Variants in THAP5 observed in about 807,000 individuals in gnomAD.
THAP5 encodes the protein THAP domain containing 5, also known as THAP domain-containing protein 5.
A neutral mutation model predicts 34.0 loss-of-function variants in THAP5; 26 were observed. That is an observed-to-expected ratio of 0.77 (90% confidence interval 0.56 to 1.06). THAP5 has a LOEUF of 1.06. Ranked by LOEUF, THAP5 falls within the 50% of genes least tolerant of loss-of-function variation. The pLI is 0.00. For synonymous variants in THAP5, 125 were observed against 153.0 expected (o/e 0.82, Z 1.35); for missense variants, 394 against 452.8 (o/e 0.87, Z 1.18).
the THAP5 span, among the ~76,000 whole-genome samples, chr7:108,544,690 T>A: frequency 6.6e-6 from 1 of 152,128 alleles, no homozygotes; most frequent in Non-Finnish European, 1.5e-5. Context: ...AGGGTCTCAC[T>A]CTGTCACCCA....
downstream of THAP5, among the ~76,000 whole-genome samples, chr7:108,561,812 GGAAGA>G (rs1412699392): frequency 6.6e-6 from 1 of 151,990 alleles, no homozygotes; most frequent in Non-Finnish European, 1.5e-5. Flanking sequence ...TTCTGATGTA[GGAAGA>G]GAAAAGGCAA....
chr7:108,543,236 C>T, the THAP5 span, among the ~76,000 whole-genome samples: 31 of 152,222 alleles, frequency 2.0e-4, no homozygotes, highest in African/African-American at 6.5e-4. Flanking sequence ...CAGCTCAAAA[C>T]AATTGACTGG....
At chr7:108,560,638 GGA>G (rs1193963330), downstream of THAP5, among the ~76,000 whole-genome samples, 7 of 152,332 alleles carry the variant, frequency 4.6e-5, no homozygotes, top group South Asian at 4.1e-4. Flanking sequence ...GGTTTGGCTG[GGA>G]GAGAGAGTTT....
At chr7:108,569,162 A>G in intron 1 of THAP5, 1 of 1,167,086 alleles carries the variant, frequency 8.6e-7, no homozygotes, top group Non-Finnish European at 1.1e-6. Flanking sequence ...ACGTATCTTA[A>G]ATGGTGGTTA....
chr7:108,548,782 C>G, the THAP5 span, among the ~76,000 whole-genome samples: 20 of 152,022 alleles, frequency 1.3e-4, no homozygotes, highest in Admixed American at 1.3e-3. Flanking sequence ...AAAAGACCTC[C>G]CCCATGATTC....
At chr7:108,559,627 C>A (rs1864412274), downstream of THAP5, among the ~76,000 whole-genome samples, 1 of 152,100 alleles carries the variant, frequency 6.6e-6, no homozygotes, top group South Asian at 2.1e-4. Context: ...TAAACAAATA[C>A]CTGAGACTGA....
the THAP5 span, among the ~76,000 whole-genome samples, chr7:108,543,616 T>C: frequency 1.3e-5 from 2 of 152,236 alleles, no homozygotes; most frequent in Non-Finnish European, 2.9e-5. Context: ...TTTAAAATGT[T>C]GCAATTTGCA....
In THAP5 at chr7:108,563,907, T is replaced by C. The variant is rs1447585099; in HGVS notation, c.*284A>G. 4.3e-6 allele frequency: 1 copy of C among 229,996 alleles called. No homozygotes were observed. The highest frequency in any genetic ancestry group is 8.5e-6 in the Non-Finnish European group (1 of 117,544). 14.2% of individuals were successfully genotyped at this position (229,996 alleles called of 1,614,324 possible). On this transcript the variant is annotated 3_prime_UTR_variant, in exon 3 of 3. Coordinates refer to ENST00000415914, the MANE Select transcript of THAP5 (RefSeq NM_001130475.3). Reference sequence around the variant, plus strand: ...CCTGAACCTGACTTCTAGTCTGTGCTCTTTGAACACTTCTTTGTTTTCTCA... The same window carrying C: ...CCTGAACCTGACTTCTAGTCTGTGCCCTTTGAACACTTCTTTGTTTTCTCA...
At chr7:108,552,669 G>A (rs1382528989), downstream of THAP5, among the ~76,000 whole-genome samples, 1 of 152,152 alleles carries the variant, frequency 6.6e-6, no homozygotes, top group Non-Finnish European at 1.5e-5. Context: ...GTGTTGTGAT[G>A]CACACCTGTA....
intron 1 of THAP5, among the ~76,000 whole-genome samples, chr7:108,555,705 T>TC (rs952048474): frequency 3.4e-5 from 5 of 146,964 alleles, no homozygotes; most frequent in Non-Finnish European, 6.0e-5. Context: ...CCTTTTTCTT[T>TC]TTTTTTTTTT....
the THAP5 span, among the ~76,000 whole-genome samples, chr7:108,549,512 A>G: frequency 6.6e-5 from 10 of 151,896 alleles, no homozygotes; most frequent in African/African-American, 2.2e-4. Context: ...TTGTCATTCT[A>G]CCCCTTGCTT....
intron 1 of THAP5, among the ~76,000 whole-genome samples, 173 bp from the exon 2 acceptor site, chr7:108,566,195 C>T (rs1325352981): frequency 6.6e-6 from 1 of 152,210 alleles, no homozygotes; most frequent in Non-Finnish European, 1.5e-5. Context: ...GTACCATTAT[C>T]ATCTCTGCAG....
intron 2 of THAP5, 180 bp from the exon 3 acceptor site, chr7:108,565,285 C>T (rs756810374): frequency 4.4e-5 from 21 of 473,238 alleles, no homozygotes; most frequent in Admixed American, 7.6e-5. Context: ...ATTCAATATA[C>T]GGCAGAAACA....
the THAP5 span, among the ~76,000 whole-genome samples, chr7:108,549,321 C>G: frequency 6.6e-6 from 1 of 152,030 alleles, no homozygotes; most frequent in East Asian, 1.9e-4. Context: ...GGGGTTTCAC[C>G]GTATTGGCCA....
intron 1 of THAP5, among the ~76,000 whole-genome samples, chr7:108,568,766 TTAAA>T (rs753689277): frequency 8.5e-5 from 13 of 152,180 alleles, no homozygotes; most frequent in Non-Finnish European, 2.9e-5. Flanking sequence ...ACACCAAAGC[TTAAA>T]TACTTTCCAA....
downstream of THAP5, among the ~76,000 whole-genome samples, chr7:108,552,804 G>GA (rs34181587): frequency 1.2e-3 from 179 of 151,330 alleles, no homozygotes; most frequent in South Asian, 3.1e-3. Context: ...TGTCTCAGGG[G>GA]AAAAAAAAAA....
At chr7:108,568,886 G>C (rs1790545538) in intron 1 of THAP5, among the ~76,000 whole-genome samples, 1 of 152,178 alleles carries the variant, frequency 6.6e-6, no homozygotes, top group South Asian at 2.1e-4. Context: ...AAAAATCAGT[G>C]CTTCAGTAGT....
rs1790563416 is a variant in THAP5, at chr7:108,569,472, G to A, written c.80+18C>T. 4 of 1,551,468 alleles carry A rather than the reference G, an allele frequency of 2.6e-6. No individual in the cohort carries two copies. The Admixed American group carries it at 5.9e-5, about 23-fold the overall frequency. On this transcript the variant is annotated intron_variant, in intron 1 of 2. Transcript: ENST00000415914. The stretch of plus-strand genomic sequence containing the variant: ...GCCTCACGGCGAGGCTGACGCTTCT[G>A]CTCCAGAAACAACTTACGGATAAAA...
At chr7:108,554,062 C>A (rs1048835973), downstream of THAP5, among the ~76,000 whole-genome samples, 9 of 152,084 alleles carry the variant, frequency 5.9e-5, no homozygotes, top group African/African-American at 2.2e-4. Flanking sequence ...AGTTTGGCCC[C>A]CTAACTTTCC....
Sources: allele counts gnomAD v4.1 joint callset (sites outside exome capture counted in the v4.1 genomes callset), GRCh38; gene constraint gnomAD v4.1.1; transcripts MANE v1.5; gene names NCBI Gene and HGNC (gene_info 2026-07-23, HGNC 2026-07-21).